MYO7A: variants seen among roughly 807,000 people sequenced by gnomAD.
MYO7A encodes the protein myosin VIIA, also known as unconventional myosin-VIIa.
A neutral mutation model predicts 263.8 loss-of-function variants in MYO7A; 210 were observed. The observed-to-expected ratio is 0.80, with a 90% CI of 0.71 to 0.89. The LOEUF is 0.89. MYO7A is among the 40% of genes least tolerant of loss of function. The pLI is 0.00. For missense variants in MYO7A, 2,820 were observed against 2,968.3 expected (o/e 0.95, Z 1.16); for synonymous variants, 1,239 against 1,197.3 (o/e 1.03, Z -0.72).
At position 77,130,557 on chromosome 11, in the gene MYO7A, C is replaced by T. The variant is rs1249436702; in HGVS notation, c.-46-32C>T. The T allele has an allele frequency of 2.6e-6, 4 of 1,568,594 alleles. No homozygotes were observed. The East Asian group carries it at 9.2e-5, about 36-fold the overall frequency. ...CTCAAGGCTTCCAGGGCTGGCCTGC[C>T]CAGAAGCATGACATGGTCTCTCTCC... On this transcript the variant is annotated intron_variant, in intron 1 of 48. Transcript: ENST00000409709.
At position 77,180,433 on chromosome 11, in the gene MYO7A, G is replaced by A; in HGVS notation, c.2646G>A (p.Lys882=). 1 of 1,612,452 alleles carries A rather than the reference G, an allele frequency of 6.2e-7. No individual in the cohort carries two copies. The highest frequency in any genetic ancestry group is 1.7e-4 in the Middle Eastern group (1 of 6,060). The change falls in exon 22 of 49, where the codon AAG becomes AAA. Residue 882 remains lysine, a synonymous_variant. Transcript: ENST00000409709. ...MRLAEEEKLR[K]EMSAKKAKEE... ...TGGCGGAGGAAGAGAAGCTTCGGAA[G>A]GAGATGAGCGCCAAGAAGGCCAAGG... is the stretch of plus-strand genomic sequence containing the variant.
intron 8 of MYO7A, among the ~76,000 whole-genome samples, chr11:77,157,991 G>A (rs1046683412): frequency 7.2e-5 from 11 of 152,190 alleles, no homozygotes; most frequent in African/African-American, 2.7e-4. Context: ...TGCCAGGTGG[G>A]CAACAGGGGC....
chr11:77,169,124 T>G (rs888260921), intron 15 of MYO7A, among the ~76,000 whole-genome samples: 6 of 152,256 alleles, frequency 3.9e-5, no homozygotes, highest in Non-Finnish European at 8.8e-5. Context: ...AGTCACAGTT[T>G]ATTCAATGAC....
rs1268751328 is a variant in MYO7A at position 77,147,887 on chromosome 11, G to A, written c.222G>A (p.Gly74=). 6.3e-7 allele frequency: 1 copy of A among 1,595,396 alleles called. No individual in the cohort carries two copies. Among genetic ancestry groups the A allele is most frequent in the South Asian group, 1.1e-5 (1 of 87,522 alleles). ...GCGTGGAGGACATGATCCGCCTGGGGGACCTCAACGAGGCGGGCATCTTGC... is the reference window on the plus strand; with the variant it reads ...GCGTGGAGGACATGATCCGCCTGGGAGACCTCAACGAGGCGGGCATCTTGC... ...VHGVEDMIRL[G]DLNEAGILRN... Residue 74 remains glycine, a synonymous_variant, in exon 4 of 49, where the codon GGG becomes GGA. Coordinates refer to ENST00000409709, the MANE Select transcript of MYO7A (RefSeq NM_000260.4).
intron 14 of MYO7A, among the ~76,000 whole-genome samples, chr11:77,164,602 A>G (rs1197399042): frequency 6.6e-6 from 1 of 152,196 alleles, no homozygotes; most frequent in Non-Finnish European, 1.5e-5. Context: ...TGGAAGAAGG[A>G]AGCAGACATT....
chr11:77,148,916 C>A (rs897392389), intron 4 of MYO7A, among the ~76,000 whole-genome samples: 28 of 152,190 alleles, frequency 1.8e-4, no homozygotes, highest in African/African-American at 6.5e-4. Flanking sequence ...TGCTTCACGT[C>A]CAGTCTGATG....
At chr11:77,214,471 A>G (rs1958038592) in intron 48 of MYO7A, 136 bp from the exon 49 acceptor site, 1 of 686,882 alleles carries the variant, frequency 1.5e-6, no homozygotes, top group Non-Finnish European at 2.6e-6. Flanking sequence ...TGCAGATGGG[A>G]GATAAGCCCT....
intron 19 of MYO7A, among the ~76,000 whole-genome samples, 152 bp from the exon 20 acceptor site, chr11:77,178,893 G>A (rs782350977): frequency 1.3e-5 from 2 of 152,216 alleles, no homozygotes; most frequent in Non-Finnish European, 2.9e-5. Flanking sequence ...TACGGATGAG[G>A]AAGCTGAGGC....
chr11:77,180,653 T>C (rs1342195430), intron 22 of MYO7A, among the ~76,000 whole-genome samples, 172 bp downstream of exon 22: 1 of 152,248 alleles, frequency 6.6e-6, no homozygotes, highest in Non-Finnish European at 1.5e-5. Context: ...CACCTGGTCC[T>C]GTGCCATGCA....
At chr11:77,133,279 C>T (rs1950818160) in intron 2 of MYO7A, among the ~76,000 whole-genome samples, 1 of 152,152 alleles carries the variant, frequency 6.6e-6, no homozygotes, top group Admixed American at 6.5e-5. Context: ...TGTGGCACAC[C>T]TGACTCACAT....
intron 2 of MYO7A, among the ~76,000 whole-genome samples, chr11:77,140,563 G>T (rs893226913): frequency 6.6e-6 from 1 of 152,052 alleles, no homozygotes; most frequent in African/African-American, 2.4e-5. Context: ...CCCGCTCTGG[G>T]CTGGGCTCTG....
Position 77,158,460 on chromosome 11 carries a change from A to C in MYO7A, c.1003+30A>C, listed in dbSNP as rs782116853. On this transcript the variant is annotated intron_variant, in intron 9 of 48. Coordinates refer to ENST00000409709, the MANE Select transcript of MYO7A (RefSeq NM_000260.4). ...GGCTGCGCCACACTCGCCCTGCCCCACCCCTGCGCCAAGGGCAGTGCAGTG... is the reference window on the plus strand; with the variant it reads ...GGCTGCGCCACACTCGCCCTGCCCCCCCCCTGCGCCAAGGGCAGTGCAGTG... 3.1e-6 allele frequency: 5 copies of C among 1,602,828 alleles called. No homozygotes were observed. In the East Asian group the frequency reaches 6.7e-5, roughly 22 times the overall value.
At position 77,146,868 on chromosome 11, in the gene MYO7A, C is replaced by G. The variant is rs568147180; in HGVS notation, c.133-930C>G. On this transcript the variant is annotated intron_variant, in intron 3 of 48. Coordinates refer to ENST00000409709, the MANE Select transcript of MYO7A (RefSeq NM_000260.4). ...AAAGGTGCTGGAGACCCTCTGGGGG[C>G]GGGGAGGGCCCCAGGGCCCTGAGGA... Among the ~76,000 whole-genome samples, 8 of 152,142 alleles carry G rather than the reference C, an allele frequency of 5.3e-5. No homozygotes were observed. In the South Asian group the frequency reaches 1.5e-3, roughly 28 times the overall value.
intron 1 of MYO7A, 133 bp from the exon 2 acceptor site, chr11:77,130,456 G>T: frequency 1.5e-6 from 1 of 652,136 alleles, no homozygotes; most frequent in Non-Finnish European, 2.7e-6. Flanking sequence ...TGGTCAGAGG[G>T]AGAGAAGCCA....
At chr11:77,161,857 C>G (rs1953029177) in intron 12 of MYO7A, among the ~76,000 whole-genome samples, 1 of 152,214 alleles carries the variant, frequency 6.6e-6, no homozygotes, top group Non-Finnish European at 1.5e-5. Context: ...CTTGATCATG[C>G]CAGGGAAAGA....
intron 14 of MYO7A, among the ~76,000 whole-genome samples, chr11:77,163,744 A>G (rs1005485140): frequency 2.0e-5 from 3 of 152,122 alleles, no homozygotes; most frequent in Admixed American, 1.3e-4. Flanking sequence ...ACGTTGTAGC[A>G]TGTATCAATT....
intron 31 of MYO7A, among the ~76,000 whole-genome samples, chr11:77,193,624 G>A (rs553616505): frequency 1.3e-5 from 2 of 151,590 alleles, no homozygotes; most frequent in African/African-American, 4.8e-5. Context: ...TTCAGGCGGA[G>A]TGCATTAGTA....
At chr11:77,189,549 G>A in intron 28 of MYO7A, 79 bp downstream of exon 28, 1 of 1,572,346 alleles carries the variant, frequency 6.4e-7, no homozygotes, top group Non-Finnish European at 8.7e-7. Flanking sequence ...CAATAGCCAG[G>A]GGCTCCAAAG....
Position 77,206,193 on chromosome 11 carries a change from C to T in MYO7A, c.5733C>T (p.Asp1911=), listed in dbSNP as rs1278503249. The part of the protein sequence containing the change: ...QIFHKVYFPD[D]TDEAFEVESS... ...TCCACAAAGTCTACTTCCCTGATGA[C>T]ACTGACGAGGTGAGGGTCACCGGCT... is the stretch of plus-strand genomic sequence containing the variant. Residue 1911 remains aspartate (D), a synonymous_variant, in exon 41 of 49, where the codon GAC becomes GAT. Coordinates refer to ENST00000409709, the MANE Select transcript of MYO7A (RefSeq NM_000260.4). The T allele has an allele frequency of 1.2e-6, 2 of 1,611,648 alleles. No individual in the cohort carries two copies. Among genetic ancestry groups the T allele is most frequent in the East Asian group, 2.2e-5 (1 of 44,812 alleles).
Sources: gnomAD v4.1 joint callset for allele counts (sites outside exome capture counted in the v4.1 genomes callset) on GRCh38, gnomAD v4.1.1 for gene constraint, MANE v1.5 for transcripts, NCBI Gene and HGNC (gene_info 2026-07-23, HGNC 2026-07-21) for gene names.